CA10: variants seen among roughly 807,000 people sequenced by gnomAD.
CA10 encodes carbonic anhydrase-related protein 10.
CA10 carries 14 observed loss-of-function variants against 44.2 expected under a neutral mutation model. That is an observed-to-expected ratio of 0.32 (90% CI 0.21 to 0.50). The LOEUF (loss-of-function observed/expected upper bound fraction) is 0.50. Ranked by LOEUF, CA10 falls within the 20% of genes least tolerant of loss-of-function variation. The probability of loss-of-function intolerance (pLI) is 0.99; values close to 1 mark genes in which losing one functional copy is unlikely to be tolerated. For synonymous variants in CA10, 159 were observed against 141.6 expected (o/e 1.12, Z -0.87); for missense variants, 350 against 409.7 (o/e 0.85, Z 1.26).
At chr17:51,913,313 TGAA>T (rs1438959218) in intron 3 of CA10, among the ~76,000 whole-genome samples, 1 of 152,142 alleles carries the variant, frequency 6.6e-6, no homozygotes, top group Middle Eastern at 3.2e-3. Context: ...TTTTGGCAGT[TGAA>T]GAACTGAAGG....
intron 1 of CA10, among the ~76,000 whole-genome samples, chr17:52,114,966 C>T (rs998686728): frequency 7.2e-5 from 11 of 152,296 alleles, no homozygotes; most frequent in African/African-American, 2.6e-4. Context: ...ATGCAGGAGG[C>T]AGATAAGGAA....
chr17:51,804,709 T>G (rs939075685), intron 3 of CA10, among the ~76,000 whole-genome samples: 1 of 152,110 alleles, frequency 6.6e-6, no homozygotes, highest in African/African-American at 2.4e-5. Context: ...CCACTGAAAA[T>G]GGAGGAGGGG....
At chr17:52,109,183 G>A (rs1391800552) in intron 1 of CA10, among the ~76,000 whole-genome samples, 3 of 152,228 alleles carry the variant, frequency 2.0e-5, no homozygotes, top group Middle Eastern at 3.4e-3. Flanking sequence ...TAATTAAGAA[G>A]ATTATGTATC....
At chr17:51,718,942 G>A (rs963646569) in intron 4 of CA10, among the ~76,000 whole-genome samples, 8 of 152,152 alleles carry the variant, frequency 5.3e-5, no homozygotes. Context: ...CCCTGAGGAT[G>A]TCTTCTATAC....
At chr17:52,056,251 T>C (rs1039706548) in intron 2 of CA10, among the ~76,000 whole-genome samples, 1 of 152,036 alleles carries the variant, frequency 6.6e-6, no homozygotes, top group Admixed American at 6.6e-5. Context: ...GACAAGGGCA[T>C]TTGGCAGGAA....
In CA10 at chr17:52,158,467, G is replaced by A; in HGVS notation, c.-681C>T. The A allele has an allele frequency of 6.3e-6, 1 of 158,918 alleles. No individual in the cohort carries two copies. The highest frequency in any genetic ancestry group is 1.4e-5 in the Non-Finnish European group (1 of 73,058). 9.8% of individuals were successfully genotyped at this position (158,918 alleles called of 1,614,324 possible). ...AAACCGCCAGCCGCCGGCAGCCTCC[G>A]CCGACCCTCCCTGCTCCCCAGGTCC... On this transcript the variant is annotated 5_prime_UTR_variant, in exon 1 of 9. Transcript: ENST00000451037.
chr17:52,140,392 T>C (rs915112082), intron 1 of CA10, among the ~76,000 whole-genome samples: 3 of 152,220 alleles, frequency 2.0e-5, no homozygotes, highest in South Asian at 4.1e-4. Context: ...ACGGTGTAAA[T>C]GTAGCCATCG....
chr17:51,797,813 T>C (rs1031213306), intron 3 of CA10, among the ~76,000 whole-genome samples: 5 of 123,956 alleles, frequency 4.0e-5, no homozygotes, highest in Non-Finnish European at 6.2e-5. Flanking sequence ...ATTGCGCCAC[T>C]GCACACCTGC....
intron 2 of CA10, among the ~76,000 whole-genome samples, chr17:52,016,982 C>T (rs1985988590): frequency 6.6e-6 from 1 of 152,090 alleles, no homozygotes; most frequent in South Asian, 2.1e-4. Flanking sequence ...CCCTTTCTCA[C>T]CATTTGACCA....
At chr17:51,722,625 C>T (rs1020856286) in intron 4 of CA10, among the ~76,000 whole-genome samples, 4 of 152,180 alleles carry the variant, frequency 2.6e-5, no homozygotes, top group African/African-American at 9.7e-5. Flanking sequence ...GTGCCATGGA[C>T]TTTCATACAG....
chr17:52,093,677 A>G (rs1472984255), intron 1 of CA10, among the ~76,000 whole-genome samples: 1 of 152,124 alleles, frequency 6.6e-6, no homozygotes, highest in African/African-American at 2.4e-5. Flanking sequence ...GTATAAATAA[A>G]TGTTTAATTT....
At chr17:52,058,439 G>A (rs148171314) in intron 2 of CA10, among the ~76,000 whole-genome samples, 2 of 152,250 alleles carry the variant, frequency 1.3e-5, no homozygotes, top group Non-Finnish European at 2.9e-5. Flanking sequence ...GACATTAGGT[G>A]ATTTTCAAAC....
At chr17:51,880,305 AT>A (rs1000978062) in intron 3 of CA10, among the ~76,000 whole-genome samples, 3 of 151,056 alleles carry the variant, frequency 2.0e-5, no homozygotes, top group Admixed American at 6.6e-5. Flanking sequence ...GCAAAAAAAT[AT>A]TTTTTTTTCT....
chr17:51,781,461 G>A (rs996821100), intron 3 of CA10, among the ~76,000 whole-genome samples: 1 of 152,202 alleles, frequency 6.6e-6, no homozygotes, highest in Non-Finnish European at 1.5e-5. Flanking sequence ...GAAAAGAGAT[G>A]CTATTTGGCC....
intron 2 of CA10, among the ~76,000 whole-genome samples, chr17:52,067,821 C>A (rs1026251771): frequency 3.3e-5 from 5 of 152,192 alleles, no homozygotes; most frequent in Non-Finnish European, 7.3e-5. Context: ...GGGCTTGTAG[C>A]CCATTTGTTT....
chr17:51,851,061 G>A (rs1978772021), intron 3 of CA10, among the ~76,000 whole-genome samples: 1 of 152,206 alleles, frequency 6.6e-6, no homozygotes, highest in Non-Finnish European at 1.5e-5. Context: ...AGCTTCTGAG[G>A]AGCAAAGCTG....
intron 2 of CA10, among the ~76,000 whole-genome samples, chr17:52,005,073 T>C (rs924009535): frequency 1.3e-5 from 2 of 151,852 alleles, no homozygotes; most frequent in Non-Finnish European, 2.9e-5. Context: ...TATTCTGAAG[T>C]ATATAACCAA....
chr17:51,963,790 T>A (rs1983980316), intron 2 of CA10, among the ~76,000 whole-genome samples: 1 of 152,156 alleles, frequency 6.6e-6, no homozygotes, highest in Admixed American at 6.5e-5. Context: ...GACAAATTAA[T>A]GACACCTGCT....
chr17:52,043,185 TAAC>T (rs948513777), intron 2 of CA10, among the ~76,000 whole-genome samples: 1 of 152,110 alleles, frequency 6.6e-6, no homozygotes, highest in Non-Finnish European at 1.5e-5. Context: ...ATGAGCATTT[TAAC>T]AACGTTAATC....
Sources: gnomAD v4.1 joint callset for allele counts (sites outside exome capture counted in the v4.1 genomes callset) on GRCh38, gnomAD v4.1.1 for gene constraint, MANE v1.5 for transcripts, NCBI Gene and HGNC (gene_info 2026-07-23, HGNC 2026-07-21) for gene names.